Variants in RARS2 observed in about 807,000 individuals in gnomAD.
The protein encoded by RARS2 is probable arginine--tRNA ligase, mitochondrial.
In RARS2, 67 loss-of-function variants were observed where a neutral mutation model predicts 88.5. The ratio of observed to expected loss-of-function variants is 0.76; its 90% CI spans 0.62 to 0.93. The LOEUF (loss-of-function observed/expected upper bound fraction) is 0.93. RARS2 is among the 40% of genes least tolerant of loss of function. The pLI is 0.00. For synonymous variants in RARS2, 239 were observed against 230.3 expected (o/e 1.04, Z -0.34); for missense variants, 664 against 684.2 (o/e 0.97, Z 0.33).
chr6:87,553,510 T>C (rs1395978773), intron 5 of RARS2, among the ~76,000 whole-genome samples: 1 of 152,230 alleles, frequency 6.6e-6, no homozygotes, highest in Non-Finnish European at 1.5e-5. Flanking sequence ...TCAGCTCTAC[T>C]GTGTTCAACT....
At chr6:87,577,298 C>T (rs1384342701) in intron 1 of RARS2, among the ~76,000 whole-genome samples, 1 of 152,114 alleles carries the variant, frequency 6.6e-6, no homozygotes, top group Non-Finnish European at 1.5e-5. Flanking sequence ...CTCAATCAGT[C>T]CTCCCACCCC....
intron 8 of RARS2, among the ~76,000 whole-genome samples, chr6:87,533,474 A>G (rs927000097): frequency 6.6e-6 from 1 of 152,200 alleles, no homozygotes; most frequent in Non-Finnish European, 1.5e-5. Flanking sequence ...CATTTTGAAG[A>G]TATCTTCCTT....
intron 1 of RARS2, among the ~76,000 whole-genome samples, chr6:87,578,347 A>G (rs1582849098): frequency 2.0e-5 from 3 of 152,266 alleles, no homozygotes; most frequent in Non-Finnish European, 2.9e-5. Context: ...TTCTGCCTGT[A>G]TATCTGCATA....
At chr6:87,525,899 A>T (rs186045571) in intron 10 of RARS2, among the ~76,000 whole-genome samples, 461 of 133,470 alleles carry the variant, frequency 3.5e-3, no homozygotes, top group African/African-American at 0.01. Flanking sequence ...AAAGAAATTT[A>T]AAAAAAAATC....
intron 8 of RARS2, among the ~76,000 whole-genome samples, chr6:87,541,388 A>G (rs888044561): frequency 2.6e-5 from 4 of 152,072 alleles, no homozygotes; most frequent in Admixed American, 2.0e-4. Context: ...TGTTGCCCAA[A>G]CTGGTCTTGA....
intron 12 of RARS2, among the ~76,000 whole-genome samples, chr6:87,520,734 T>C (rs1234738053): frequency 6.6e-6 from 1 of 151,990 alleles, no homozygotes; most frequent in Non-Finnish European, 1.5e-5. Context: ...TTATACTGAG[T>C]GAAAAAAGCC....
intron 4 of RARS2, among the ~76,000 whole-genome samples, chr6:87,555,862 T>G (rs536279709): frequency 1.2e-4 from 19 of 152,328 alleles, no homozygotes; most frequent in African/African-American, 4.6e-4. Context: ...AAGCACCATT[T>G]AACACTTATT....
intron 5 of RARS2, among the ~76,000 whole-genome samples, chr6:87,549,584 C>T (rs1783739694): frequency 6.6e-6 from 1 of 151,176 alleles, no homozygotes; most frequent in South Asian, 2.1e-4. Flanking sequence ...AATATTTATG[C>T]ATAAAACCTC....
intron 1 of RARS2, among the ~76,000 whole-genome samples, chr6:87,586,641 T>A (rs1024089711): frequency 1.3e-5 from 2 of 152,234 alleles, no homozygotes; most frequent in Non-Finnish European, 2.9e-5. Context: ...CTGATGACAG[T>A]GCTTAGAAAA....
At chr6:87,562,148 T>C (rs910720298) in intron 4 of RARS2, among the ~76,000 whole-genome samples, 7 of 152,200 alleles carry the variant, frequency 4.6e-5, no homozygotes, top group Admixed American at 2.6e-4. Flanking sequence ...AATTTTTTTG[T>C]AGAGATATGC....
At chr6:87,551,025 G>GAAAAAC (rs374857287) in intron 5 of RARS2, among the ~76,000 whole-genome samples, 308 of 151,678 alleles carry the variant, frequency 2.0e-3, no homozygotes, top group African/African-American at 6.9e-3. Flanking sequence ...TGTCTGTTAA[G>GAAAAAC]AAAAACAAAA....
chr6:87,540,072 C>T (rs944218787), intron 8 of RARS2, among the ~76,000 whole-genome samples: 1 of 152,072 alleles, frequency 6.6e-6, no homozygotes, highest in African/African-American at 2.4e-5. Context: ...TTTTGGTTAA[C>T]ATGATAAATC....
chr6:87,545,648 ATTC>A lies in RARS2; in HGVS notation c.500_502del (p.Arg167del), dbSNP rs768549667. The A allele has an allele frequency of 1.9e-6, 3 of 1,613,830 alleles. No individual in the cohort carries two copies. The highest frequency in any genetic ancestry group is 2.5e-6 in the Non-Finnish European group (3 of 1,179,900). On this transcript the variant is annotated inframe_deletion, in exon 7 of 20. Coordinates refer to ENST00000369536, the MANE Select transcript of RARS2 (RefSeq NM_020320.5). Reference sequence around the variant, plus strand: ...CATGCCCCAATCGCCAAGGTAATTTATTCTTATTACTTGATGTCCTAAAGCTTC... The same window carrying A: ...CATGCCCCAATCGCCAAGGTAATTTATTATTACTTGATGTCCTAAAGCTTC...
intron 11 of RARS2, among the ~76,000 whole-genome samples, chr6:87,522,016 T>C (rs565313275): frequency 6.6e-6 from 1 of 152,316 alleles, no homozygotes; most frequent in Non-Finnish European, 1.5e-5. Flanking sequence ...TCAGGGGGAA[T>C]ACCTTCTAAC....
At chr6:87,562,109 C>T (rs749348432) in intron 4 of RARS2, among the ~76,000 whole-genome samples, 15 of 152,104 alleles carry the variant, frequency 9.9e-5, no homozygotes, top group African/African-American at 3.4e-4. Context: ...GGACTACAGG[C>T]GCAAACTATC....
chr6:87,552,097 TA>T (rs1336158473), intron 5 of RARS2, among the ~76,000 whole-genome samples: 1 of 152,172 alleles, frequency 6.6e-6, no homozygotes, highest in East Asian at 1.9e-4. Context: ...AAGTTAAGTA[TA>T]CAGGTTTCAG....
chr6:87,521,015 A>G (rs964926404), intron 12 of RARS2, among the ~76,000 whole-genome samples: 1 of 152,206 alleles, frequency 6.6e-6, no homozygotes, highest in Non-Finnish European at 1.5e-5. Flanking sequence ...AAAGCTGGCG[A>G]AATTTCAGTA....
At chr6:87,581,185 G>A (rs550857595) in intron 1 of RARS2, among the ~76,000 whole-genome samples, 1 of 152,232 alleles carries the variant, frequency 6.6e-6, no homozygotes, top group Admixed American at 6.5e-5. Flanking sequence ...GCCAGGTTCA[G>A]GATCAAAATC....
chr6:87,539,167 GAATA>G (rs1195328817), intron 8 of RARS2, among the ~76,000 whole-genome samples: 1 of 152,130 alleles, frequency 6.6e-6, no homozygotes, highest in African/African-American at 2.4e-5. Context: ...AAGATAAAAA[GAATA>G]ACTCTCACAT....
Sources: allele counts gnomAD v4.1 joint callset (sites outside exome capture counted in the v4.1 genomes callset), GRCh38; gene constraint gnomAD v4.1.1; transcripts MANE v1.5; gene names NCBI Gene and HGNC (gene_info 2026-07-23, HGNC 2026-07-21).